BMP6: variants seen among roughly 807,000 people sequenced by gnomAD.
BMP6 encodes the protein VG-1-R.
A neutral mutation model predicts 54.1 loss-of-function variants in BMP6; 17 were observed. That is an observed-to-expected ratio of 0.31 (90% CI 0.22 to 0.47). The LOEUF is 0.47. BMP6 is among the 20% of genes least tolerant of loss of function. The pLI is 1.00. For missense variants in BMP6, 720 were observed against 690.4 expected (o/e 1.04, Z -0.48); for synonymous variants, 328 against 291.2 (o/e 1.13, Z -1.28).
At chr6:7,834,301 C>T (rs1052369556) in intron 1 of BMP6, among the ~76,000 whole-genome samples, 3 of 149,110 alleles carry the variant, frequency 2.0e-5, no homozygotes, top group Non-Finnish European at 4.4e-5. Context: ...GGAAATACAC[C>T]ACCAAAATGT....
At position 7,846,221 on chromosome 6, in the gene BMP6, G is replaced by T. The variant is rs116807885; in HGVS notation, c.857+889G>T. Among the ~76,000 whole-genome samples the T allele has an allele frequency of 1.3e-4, 20 of 152,212 alleles. 1 individual carries two copies. Among genetic ancestry groups the T allele is most frequent in the African/African-American group, 1.9e-4 (8 of 41,538 alleles). The stretch of plus-strand genomic sequence containing the variant: ...TAAAAATGAAGGGAAGTGAACATAT[G>T]GGGGAGGGAACTCCATGCTTCCAGA... On this transcript the variant is annotated intron_variant, in intron 2 of 6. Transcript: ENST00000283147.
intron 3 of BMP6, 118 bp from the exon 4 acceptor site, chr6:7,862,183 T>G: frequency 8.1e-7 from 1 of 1,229,954 alleles, no homozygotes; most frequent in Non-Finnish European, 1.2e-6. Flanking sequence ...GATCTTCTTC[T>G]TCACACTCAT....
At chr6:7,810,297 A>G (rs1758417255) in intron 1 of BMP6, among the ~76,000 whole-genome samples, 2 of 152,234 alleles carry the variant, frequency 1.3e-5, no homozygotes, top group African/African-American at 2.4e-5. Flanking sequence ...CGTAGATAGC[A>G]TTATGGAATT....
At position 7,825,645 on chromosome 6, in the gene BMP6, G is replaced by A. The variant is rs994822555; in HGVS notation, c.665-19495G>A. On this transcript the variant is annotated intron_variant, in intron 1 of 6. Transcript: ENST00000283147. Reference sequence around the variant, plus strand: ...TGAGGCAGGAGAGCCACTTGAACCCGGGAGGCAGAGATTGCAGTGAGTCGA... The same window carrying A: ...TGAGGCAGGAGAGCCACTTGAACCCAGGAGGCAGAGATTGCAGTGAGTCGA... 3.9e-5 allele frequency among the ~76,000 whole-genome samples: 6 copies of A among 151,972 alleles called. No homozygotes were observed. In the South Asian group the frequency reaches 6.2e-4, roughly 16 times the overall value.
intron 2 of BMP6, among the ~76,000 whole-genome samples, chr6:7,855,553 CTTTTTTTTTTTTT>C (rs778898901): frequency 2.9e-5 from 3 of 105,042 alleles, no homozygotes; most frequent in East Asian, 3.0e-4. Flanking sequence ...CTCTCTCTCT[CTTTTTTTTTTTTT>C]TTTTTTTTTT....
chr6:7,769,482 G>T (rs576685575), intron 1 of BMP6, among the ~76,000 whole-genome samples: 1 of 152,166 alleles, frequency 6.6e-6, no homozygotes, highest in South Asian at 2.1e-4. Flanking sequence ...AGTAGGGGTC[G>T]AGTTCTGCAC....
At chr6:7,733,398 T>C (rs1761902662) in intron 1 of BMP6, among the ~76,000 whole-genome samples, 1 of 152,202 alleles carries the variant, frequency 6.6e-6, no homozygotes, top group African/African-American at 2.4e-5. Flanking sequence ...TTTTCATAAA[T>C]ATATGAGTAA....
chr6:7,770,541 T>A (rs1757766877), intron 1 of BMP6, among the ~76,000 whole-genome samples: 1 of 152,254 alleles, frequency 6.6e-6, no homozygotes, highest in African/African-American at 2.4e-5. Flanking sequence ...GGAGGGATTC[T>A]GGATTAACAG....
At chr6:7,813,642 C>CAA (rs70982109) in intron 1 of BMP6, among the ~76,000 whole-genome samples, 3 of 4,984 alleles carry the variant, frequency 6.0e-4, no homozygotes, top group South Asian at 0.02. Flanking sequence ...GACCCTGTCT[C>CAA]AAAAAAAAAA....
intron 1 of BMP6, among the ~76,000 whole-genome samples, chr6:7,819,117 T>C (rs970035536): frequency 6.6e-6 from 1 of 152,172 alleles, no homozygotes; most frequent in African/African-American, 2.4e-5. Flanking sequence ...GGTGTCTTTG[T>C]GTGTGAGTAC....
At position 7,862,383 on chromosome 6, in the gene BMP6, C is replaced by T; in HGVS notation, c.1089C>T (p.Phe363=). The change falls in exon 4 of 7, where the codon TTC becomes TTT. Residue 363 remains phenylalanine, a synonymous_variant. Coordinates refer to ENST00000283147, the MANE Select transcript of BMP6 (RefSeq NM_001718.6). ...AGCAGCCCTTCATGGTGGCTTTCTTCAAAGTGAGTGAGGTGCACGTGCGCA... is the reference window on the plus strand; with the variant it reads ...AGCAGCCCTTCATGGTGGCTTTCTTTAAAGTGAGTGAGGTGCACGTGCGCA... ...YDKQPFMVAF[F]KVSEVHVRTT... 1 of 1,614,186 alleles carries T rather than the reference C, an allele frequency of 6.2e-7. No homozygotes were observed.
At chr6:7,808,021 C>T (rs553218282) in intron 1 of BMP6, among the ~76,000 whole-genome samples, 26 of 150,066 alleles carry the variant, frequency 1.7e-4, no homozygotes, top group African/African-American at 4.4e-4. Context: ...CGCGGGTTCA[C>T]GCCATTCTCC....
intron 1 of BMP6, among the ~76,000 whole-genome samples, chr6:7,767,192 T>G (rs893995297): frequency 6.6e-6 from 1 of 152,140 alleles, no homozygotes; most frequent in Non-Finnish European, 1.5e-5. Context: ...TTCACCGCGG[T>G]CTCGATCTCC....
chr6:7,856,813 G>T (rs913333453), intron 2 of BMP6, among the ~76,000 whole-genome samples: 1 of 151,394 alleles, frequency 6.6e-6, no homozygotes, highest in East Asian at 1.9e-4. Context: ...AGCCGGGATG[G>T]TCTCGATCTC....
At chr6:7,789,644 T>G (rs1381469740) in intron 1 of BMP6, among the ~76,000 whole-genome samples, 1 of 152,126 alleles carries the variant, frequency 6.6e-6, no homozygotes, top group Non-Finnish European at 1.5e-5. Context: ...GGGGGTCACT[T>G]GCTCCCAAGC....
chr6:7,862,602 A>G, intron 4 of BMP6, 104 bp downstream of exon 4: 1 of 1,429,142 alleles, frequency 7.0e-7, no homozygotes, highest in South Asian at 1.2e-5. Context: ...TGCACAGCAA[A>G]TCCAAAGGCA....
intron 1 of BMP6, among the ~76,000 whole-genome samples, chr6:7,793,900 G>T (rs949733951): frequency 6.6e-6 from 1 of 152,138 alleles, no homozygotes; most frequent in African/African-American, 2.4e-5. Context: ...TGATGTGTCT[G>T]TGTTTCTGCC....
intron 2 of BMP6, among the ~76,000 whole-genome samples, chr6:7,856,875 C>T (rs375519570): frequency 1.5e-4 from 23 of 152,180 alleles, no homozygotes; most frequent in East Asian, 1.2e-3. Flanking sequence ...GGATTACAGG[C>T]GTGAGCCACC....
At chr6:7,825,830 G>A (rs368168506) in intron 1 of BMP6, among the ~76,000 whole-genome samples, 19 of 152,196 alleles carry the variant, frequency 1.2e-4, no homozygotes, top group East Asian at 3.9e-4. Flanking sequence ...CCACATGGGC[G>A]TCAGCAACTC....
Sources: allele counts gnomAD v4.1 joint callset (sites outside exome capture counted in the v4.1 genomes callset), GRCh38; gene constraint gnomAD v4.1.1; transcripts MANE v1.5; gene names NCBI Gene and HGNC (gene_info 2026-07-23, HGNC 2026-07-21).